The following VOPP1 variants were observed in gnomAD, a reference collection of about 807,000 sequenced individuals.
The protein encoded by VOPP1 is VOPP1 WW domain binding protein.
VOPP1 carries 8 observed loss-of-function variants against 23.5 expected under a neutral mutation model. The observed-to-expected ratio is 0.34, with a 90% CI of 0.20 to 0.61. The LOEUF (loss-of-function observed/expected upper bound fraction) is 0.61, where lower values mean the gene tolerates loss of function less well. VOPP1 is among the 20% of genes least tolerant of loss of function. The probability of loss-of-function intolerance (pLI) is 0.78; values close to 1 mark genes in which losing one functional copy is unlikely to be tolerated. For missense variants in VOPP1, 174 were observed against 238.1 expected (o/e 0.73, Z 1.77); for synonymous variants, 83 against 97.3 (o/e 0.85, Z 0.86).
At chr7:55,554,443 C>A (rs1326383978) in intron 1 of VOPP1, among the ~76,000 whole-genome samples, 1 of 152,214 alleles carries the variant, frequency 6.6e-6, no homozygotes, top group Non-Finnish European at 1.5e-5. Flanking sequence ...TTCAAAAGCT[C>A]ACATGGGCAG....
intron 1 of VOPP1, among the ~76,000 whole-genome samples, chr7:55,570,631 T>G (rs909998061): frequency 1.3e-5 from 2 of 152,084 alleles, no homozygotes; most frequent in African/African-American, 4.8e-5. Flanking sequence ...CTAAATAATT[T>G]CATCAAGTGC....
intron 2 of VOPP1, among the ~76,000 whole-genome samples, chr7:55,509,895 G>A (rs1398912507): frequency 6.6e-6 from 1 of 152,028 alleles, no homozygotes; most frequent in Non-Finnish European, 1.5e-5. Context: ...TGCTTTTCAT[G>A]CCCACCGCCT....
At chr7:55,451,529 C>T (rs997432182) in intron 4 of VOPP1, among the ~76,000 whole-genome samples, 7 of 152,198 alleles carry the variant, frequency 4.6e-5, no homozygotes, top group African/African-American at 7.2e-5. Context: ...TAGTGGCTCA[C>T]GCCTGTAATC....
intron 1 of VOPP1, among the ~76,000 whole-genome samples, chr7:55,523,059 G>A (rs571059651): frequency 6.6e-6 from 1 of 152,262 alleles, no homozygotes; most frequent in African/African-American, 2.4e-5. Context: ...CTTCTTCTGG[G>A]TCACACAGCT....
At chr7:55,437,219 C>T (rs1364394134) in intron 4 of VOPP1, among the ~76,000 whole-genome samples, 1 of 152,112 alleles carries the variant, frequency 6.6e-6, no homozygotes, top group Non-Finnish European at 1.5e-5. Context: ...TCTTGGCAAG[C>T]CAGAGGTGGC....
chr7:55,521,215 TGAG>T, intron 1 of VOPP1, 85 bp from the exon 2 acceptor site: 1 of 1,374,762 alleles, frequency 7.3e-7, no homozygotes, highest in Non-Finnish European at 1.0e-6. Context: ...GAAAGAAGGA[TGAG>T]AAGACACAGC....
At chr7:55,476,978 T>G (rs948423729) in intron 4 of VOPP1, among the ~76,000 whole-genome samples, 1 of 152,218 alleles carries the variant, frequency 6.6e-6, no homozygotes, top group African/African-American at 2.4e-5. Context: ...CTGCCCTCTC[T>G]GGGCCCTCAC....
At chr7:55,441,824 T>G (rs1790972957) in intron 4 of VOPP1, among the ~76,000 whole-genome samples, 1 of 152,148 alleles carries the variant, frequency 6.6e-6, no homozygotes, top group South Asian at 2.1e-4. Flanking sequence ...CCCATTCAGA[T>G]GAAGCAGCTT....
At position 55,478,505 on chromosome 7, in the gene VOPP1, T is replaced by C. The variant is rs571345166; in HGVS notation, c.329-5460A>G. On this transcript the variant is annotated intron_variant, in intron 4 of 4. Coordinates refer to ENST00000285279, the MANE Select transcript of VOPP1 (RefSeq NM_030796.5). Reference sequence around the variant, plus strand: ...AAAGAAGATTAAGAAATAAAACAAATAGCAAAAGAAACTACCTTAAATGGT... The same window carrying C: ...AAAGAAGATTAAGAAATAAAACAAACAGCAAAAGAAACTACCTTAAATGGT... Among the ~76,000 whole-genome samples, 10 of 152,024 alleles carry C rather than the reference T, an allele frequency of 6.6e-5. No individual in the cohort carries two copies. The South Asian group carries it at 1.7e-3, about 25-fold the overall frequency.
At chr7:55,516,070 G>A (rs1452369629) in intron 2 of VOPP1, 4 of 959,116 alleles carry the variant, frequency 4.2e-6, no homozygotes, top group East Asian at 1.1e-4. Flanking sequence ...CAAGGGGCGG[G>A]AGCTGCTGAG....
At chr7:55,538,194 A>C (rs184673385) in intron 1 of VOPP1, among the ~76,000 whole-genome samples, 6 of 152,304 alleles carry the variant, frequency 3.9e-5, no homozygotes, top group Admixed American at 2.6e-4. Flanking sequence ...AAGTATTGCA[A>C]AGTCAGTCTA....
intron 4 of VOPP1, among the ~76,000 whole-genome samples, chr7:55,451,042 G>A (rs1350259999): frequency 6.6e-6 from 1 of 152,170 alleles, no homozygotes; most frequent in East Asian, 1.9e-4. Context: ...GGATCTTCAG[G>A]GCTGGCATCA....
chr7:55,566,103 C>T (rs1270198852), intron 1 of VOPP1, among the ~76,000 whole-genome samples: 4 of 152,160 alleles, frequency 2.6e-5, no homozygotes, highest in African/African-American at 9.7e-5. Context: ...ATCTAGCAGT[C>T]AAGCCATTTA....
intron 2 of VOPP1, among the ~76,000 whole-genome samples, chr7:55,516,726 G>A (rs1481348956): frequency 2.0e-5 from 3 of 151,972 alleles, no homozygotes; most frequent in African/African-American, 4.8e-5. Flanking sequence ...AAACAGAGGT[G>A]TTGTTTGAAA....
chr7:55,516,946 T>A (rs1244697256), intron 2 of VOPP1, among the ~76,000 whole-genome samples: 88 of 97,858 alleles, frequency 9.0e-4, no homozygotes, highest in Non-Finnish European at 1.4e-3. Flanking sequence ...TTTTTTTTTT[T>A]TTTTTTTTTT....
intron 1 of VOPP1, among the ~76,000 whole-genome samples, chr7:55,554,787 C>A (rs1268993236): frequency 2.0e-5 from 3 of 152,178 alleles, no homozygotes; most frequent in Non-Finnish European, 4.4e-5. Flanking sequence ...GCAGGGAATT[C>A]TTGGACCAGA....
At chr7:55,529,082 A>G (rs566645804) in intron 1 of VOPP1, among the ~76,000 whole-genome samples, 2 of 152,328 alleles carry the variant, frequency 1.3e-5, no homozygotes, top group East Asian at 3.9e-4. Context: ...CAAGGGACAC[A>G]TAAGAGTCCT....
chr7:55,526,396 C>T (rs755273438), intron 1 of VOPP1, among the ~76,000 whole-genome samples: 1 of 152,190 alleles, frequency 6.6e-6, no homozygotes, highest in Non-Finnish European at 1.5e-5. Context: ...TGCTGATCTC[C>T]ACTAGTAATC....
intron 4 of VOPP1, among the ~76,000 whole-genome samples, chr7:55,444,629 T>A (rs1417910333): frequency 6.6e-6 from 1 of 151,678 alleles, no homozygotes; most frequent in Non-Finnish European, 1.5e-5. Flanking sequence ...CACTCTGCCC[T>A]CCCCAGCTCC....
Sources: gnomAD v4.1 joint callset for allele counts (sites outside exome capture counted in the v4.1 genomes callset) on GRCh38, gnomAD v4.1.1 for gene constraint, MANE v1.5 for transcripts, NCBI Gene and HGNC (gene_info 2026-07-23, HGNC 2026-07-21) for gene names.